The following PCLO variants were observed in gnomAD, a reference collection of about 807,000 sequenced individuals.
PCLO encodes protein piccolo.
PCLO carries 82 observed loss-of-function variants against 427.5 expected under a neutral mutation model. The observed-to-expected ratio is 0.19, with a 90% CI of 0.16 to 0.23. PCLO has a LOEUF of 0.23. PCLO is among the 10% of genes least tolerant of loss of function. The probability of loss-of-function intolerance (pLI) is 1.00; values close to 1 mark genes in which losing one functional copy is unlikely to be tolerated. For missense variants in PCLO, 6,239 were observed against 6,115.9 expected, an observed-to-expected ratio of 1.02 and a Z score of -0.67; for synonymous variants, 2,357 against 2,155.4, an observed-to-expected ratio of 1.09 and a Z score of -2.59.
chr7:82,945,655 A>G (rs10251395), intron 6 of PCLO, among the ~76,000 whole-genome samples: 14,446 of 152,190 alleles, frequency 0.095, 2,292 homozygotes, highest in African/African-American at 0.33. Context: ...ACAATGCATG[A>G]GCAATAACAA....
At chr7:82,818,654 A>G (rs1007311213) in intron 20 of PCLO, among the ~76,000 whole-genome samples, 3 of 152,226 alleles carry the variant, frequency 2.0e-5, no homozygotes, top group Admixed American at 2.0e-4. Flanking sequence ...ATTATAACTC[A>G]AAAAGTCACA....
chr7:82,826,726 A>G, intron 17 of PCLO, 66 bp from the exon 18 acceptor site: 1 of 923,688 alleles, frequency 1.1e-6, no homozygotes, highest in South Asian at 1.9e-5. Context: ...TTACACACAT[A>G]CAGTAGACAT....
At chr7:83,057,014 C>T (rs1044901448) in intron 3 of PCLO, among the ~76,000 whole-genome samples, 3 of 151,930 alleles carry the variant, frequency 2.0e-5, no homozygotes, top group African/African-American at 7.3e-5. Context: ...ATGTTATGTG[C>T]AGCAATATCT....
chr7:83,149,342 T>G (rs1403069820), intron 2 of PCLO, among the ~76,000 whole-genome samples: 2 of 152,184 alleles, frequency 1.3e-5, no homozygotes, highest in Non-Finnish European at 2.9e-5. Context: ...CAGCTCTTTT[T>G]CCTTTCCATT....
chr7:83,044,337 G>A (rs1044159028), intron 3 of PCLO, among the ~76,000 whole-genome samples: 1 of 152,120 alleles, frequency 6.6e-6, no homozygotes. Context: ...TCCATAAAGT[G>A]TGCAAGTATA....
At chr7:82,787,300 C>T (rs1791005560) in intron 22 of PCLO, among the ~76,000 whole-genome samples, 1 of 151,970 alleles carries the variant, frequency 6.6e-6, no homozygotes, top group Non-Finnish European at 1.5e-5. Context: ...GAGATGGTAT[C>T]TCATTGTGGT....
intron 21 of PCLO, among the ~76,000 whole-genome samples, chr7:82,803,684 A>G (rs904920094): frequency 6.6e-6 from 1 of 152,124 alleles, no homozygotes; most frequent in Non-Finnish European, 1.5e-5. Flanking sequence ...ACATTTTATA[A>G]TTTATATTTT....
At chr7:83,020,401 A>AGG (rs34849145) in intron 3 of PCLO, among the ~76,000 whole-genome samples, 6 of 151,822 alleles carry the variant, frequency 4.0e-5, no homozygotes, top group South Asian at 2.1e-4. Flanking sequence ...TAGTAGTAAG[A>AGG]GGGGGGGCCT....
Position 83,014,819 on chromosome 7 carries a change from T to C in PCLO, c.3301-48332A>G, listed in dbSNP as rs1788167394. On this transcript the variant is annotated intron_variant, in intron 3 of 24. Coordinates refer to ENST00000333891, the MANE Select transcript of PCLO (RefSeq NM_033026.6). ...ATTTCCTGCTTAAAAGAGAAAATTT[T>C]GGATTGCCACAGAGCTTCCCAAGAA... Among the ~76,000 whole-genome samples, 3 of 152,148 alleles carry C rather than the reference T, an allele frequency of 2.0e-5. No individual in the cohort carries two copies. The South Asian group carries it at 6.2e-4, about 31-fold the overall frequency.
At chr7:83,160,603 A>G (rs1409564471) in intron 1 of PCLO, among the ~76,000 whole-genome samples, 1 of 152,124 alleles carries the variant, frequency 6.6e-6, no homozygotes, top group African/African-American at 2.4e-5. Context: ...TGGGCCATAC[A>G]CTAACTATTG....
chr7:83,026,000 A>G (rs1414410218), intron 3 of PCLO, among the ~76,000 whole-genome samples: 5 of 152,200 alleles, frequency 3.3e-5, no homozygotes, highest in Admixed American at 6.5e-5. Flanking sequence ...CGGCAAAATC[A>G]TGCCAAAATG....
chr7:82,805,905 A>T, intron 20 of PCLO, 76 bp from the exon 21 acceptor site: 3 of 1,367,710 alleles, frequency 2.2e-6, no homozygotes, highest in Non-Finnish European at 3.0e-6. Context: ...ATCATTATAC[A>T]TCTTCTTAAT....
chr7:82,885,141 C>T (rs1009765838), intron 9 of PCLO, among the ~76,000 whole-genome samples: 17 of 152,082 alleles, frequency 1.1e-4, no homozygotes, highest in African/African-American at 3.9e-4. Context: ...TGATGGATAG[C>T]CACTACCATA....
rs145979939 is a variant in PCLO at position 82,799,330 on chromosome 7, A to G, written c.15007+2188T>C. 5.1e-3 allele frequency among the ~76,000 whole-genome samples: 775 copies of G among 152,322 alleles called. 4 individuals are homozygous for G. Among genetic ancestry groups the G allele is most frequent in the African/African-American group, 0.018 (741 of 41,592 alleles). ...GCTAAGTGCTGGGATACCAAGAGGAATAAGCGCTATCTCTGGTTTGAGAGT... is the reference window on the plus strand; with the variant it reads ...GCTAAGTGCTGGGATACCAAGAGGAGTAAGCGCTATCTCTGGTTTGAGAGT... On this transcript the variant is annotated intron_variant, in intron 22 of 24. Coordinates refer to ENST00000333891, the MANE Select transcript of PCLO (RefSeq NM_033026.6).
chr7:82,948,594 T>C (rs1318983496), intron 6 of PCLO, among the ~76,000 whole-genome samples: 1 of 152,162 alleles, frequency 6.6e-6, no homozygotes, highest in East Asian at 1.9e-4. Flanking sequence ...CTATTATATC[T>C]ATCAATCACT....
chr7:82,987,118 G>C (rs1404987132), intron 3 of PCLO, among the ~76,000 whole-genome samples: 4 of 151,960 alleles, frequency 2.6e-5, no homozygotes, highest in African/African-American at 7.2e-5. Flanking sequence ...TTGTGTACCT[G>C]TTTAAACTAT....
intron 3 of PCLO, among the ~76,000 whole-genome samples, chr7:83,032,571 C>T (rs1788698837): frequency 6.6e-6 from 1 of 151,746 alleles, no homozygotes; most frequent in South Asian, 2.1e-4. Context: ...TTCTTCTCTG[C>T]CCTGAGCTCA....
chr7:82,830,424 T>C lies in PCLO; in HGVS notation c.14250-2458A>G, dbSNP rs182067249. Among the ~76,000 whole-genome samples the C allele has an allele frequency of 2.2e-4, 34 of 152,130 alleles. 1 individual carries two copies. The East Asian group carries it at 6.0e-3, about 27-fold the overall frequency. ...AGTGTCTACATAGAAATAATACATA[T>C]AAATTAATACATAGAAAGAGTTAAT... is the stretch of plus-strand genomic sequence containing the variant. On this transcript the variant is annotated intron_variant, in intron 16 of 24. Coordinates refer to ENST00000333891, the MANE Select transcript of PCLO (RefSeq NM_033026.6).
intron 3 of PCLO, among the ~76,000 whole-genome samples, chr7:83,028,710 C>T (rs984905417): frequency 2.6e-5 from 4 of 151,408 alleles, no homozygotes; most frequent in Non-Finnish European, 5.9e-5. Context: ...TCAAACTATA[C>T]CACAAGGCTA....
Sources: gnomAD v4.1 joint callset for allele counts (sites outside exome capture counted in the v4.1 genomes callset) on GRCh38, gnomAD v4.1.1 for gene constraint, MANE v1.5 for transcripts, NCBI Gene and HGNC (gene_info 2026-07-23, HGNC 2026-07-21) for gene names.